TLL1: variants seen among roughly 807,000 people sequenced by gnomAD.
TLL1 encodes the protein tolloid-like protein 1.
TLL1 carries 49 observed loss-of-function variants against 128.2 expected under a neutral mutation model. The ratio of observed to expected loss-of-function variants is 0.38; its 90% CI spans 0.30 to 0.48. TLL1 has a LOEUF of 0.48. Ranked by LOEUF, TLL1 falls within the 20% of genes least tolerant of loss-of-function variation. The pLI, the probability that TLL1 is intolerant of heterozygous loss-of-function variation, is 0.96. For synonymous variants in TLL1, 454 were observed against 418.8 expected (o/e 1.08, Z -1.03); for missense variants, 1,123 against 1,242.0 (o/e 0.90, Z 1.44).
intron 1 of TLL1, among the ~76,000 whole-genome samples, chr4:165,884,564 A>C (rs1048409273): frequency 6.6e-6 from 1 of 152,224 alleles, no homozygotes; most frequent in Non-Finnish European, 1.5e-5. Context: ...GGCTGGGCGC[A>C]GTGGCTCATG....
At chr4:166,008,260 T>G (rs1737529860) in intron 7 of TLL1, among the ~76,000 whole-genome samples, 1 of 151,550 alleles carries the variant, frequency 6.6e-6, no homozygotes, top group Non-Finnish European at 1.5e-5. Flanking sequence ...ACCAAATATA[T>G]GAATTTAATA....
Position 166,077,975 on chromosome 4 carries a change from G to A in TLL1, c.2387G>A (p.Ser796Asn), listed in dbSNP as rs1741113322. The A allele has an allele frequency of 6.2e-7, 1 of 1,613,572 alleles. No homozygotes were observed. The change falls in exon 18 of 21, where the codon AGC (serine) becomes AAC (asparagine). Residue 796 changes from serine (S) to asparagine (N), a missense_variant. By Grantham distance (46) the Ser-to-Asn change is conservative. Around this residue, in one of 3 missense-constraint regions of TLL1, gnomAD observed 634 missense variants for 672.4 expected, o/e 0.94. Coordinates refer to ENST00000061240, the MANE Select transcript of TLL1 (RefSeq NM_012464.5). ...TSPNWPDKYP[S>N]RKECTWEISA... is the part of the protein sequence containing the mutation. ...CCCAACTGGCCAGACAAGTACCCAA[G>A]CAGGAAAGAATGCACTTGGGAAATC...
intron 1 of TLL1, among the ~76,000 whole-genome samples, chr4:165,893,828 C>G (rs1731529325): frequency 6.6e-6 from 1 of 151,994 alleles, no homozygotes; most frequent in South Asian, 2.1e-4. Flanking sequence ...ACACTCTGGT[C>G]CCACCTAAAA....
intron 8 of TLL1, among the ~76,000 whole-genome samples, chr4:166,024,492 A>C (rs188089320): frequency 6.6e-6 from 1 of 152,294 alleles, no homozygotes; most frequent in Non-Finnish European, 1.5e-5. Flanking sequence ...TTCTTAAGTT[A>C]AAGATACTTC....
chr4:166,008,677 ACTT>A (rs1737547016), intron 7 of TLL1, among the ~76,000 whole-genome samples: 1 of 151,588 alleles, frequency 6.6e-6, no homozygotes, highest in Non-Finnish European at 1.5e-5. Context: ...GTTTTGATCT[ACTT>A]CATTCTAAAG....
intron 1 of TLL1, among the ~76,000 whole-genome samples, chr4:165,972,533 A>G (rs531452419): frequency 1.3e-5 from 2 of 152,216 alleles, no homozygotes; most frequent in East Asian, 1.9e-4. Flanking sequence ...AACACATTCT[A>G]TCTTCTGATC....
At chr4:166,091,429 T>C in intron 19 of TLL1, 88 bp downstream of exon 19, 2 of 1,131,906 alleles carry the variant, frequency 1.8e-6, no homozygotes, top group Non-Finnish European at 2.6e-6. Flanking sequence ...GGATTGTAAA[T>C]AAATCTCCAA....
chr4:165,943,334 T>C (rs1734105099), intron 1 of TLL1, among the ~76,000 whole-genome samples: 1 of 152,086 alleles, frequency 6.6e-6, no homozygotes, highest in African/African-American at 2.4e-5. Flanking sequence ...ATTATTTGTA[T>C]GTACTGTAAT....
intron 14 of TLL1, among the ~76,000 whole-genome samples, chr4:166,057,719 G>A (rs1196138644): frequency 1.3e-5 from 2 of 152,180 alleles, no homozygotes; most frequent in East Asian, 3.9e-4. Context: ...AAGAGCAAAG[G>A]CACGTCGTAT....
At chr4:165,950,337 T>C (rs28829094) in intron 1 of TLL1, among the ~76,000 whole-genome samples, 2,081 of 152,230 alleles carry the variant, frequency 0.014, 50 homozygotes, top group African/African-American at 0.046. Context: ...GACTTTAGCA[T>C]TCCCTTTGTC....
rs72972222 is a variant in TLL1, at chr4:165,941,667, G to C, written c.170-47714G>C. 4.9e-4 allele frequency among the ~76,000 whole-genome samples: 74 copies of C among 152,124 alleles called. 1 individual carries two copies. The highest frequency in any genetic ancestry group is 4.1e-3 in the East Asian group (21 of 5,174). On this transcript the variant is annotated intron_variant, in intron 1 of 20. Transcript: ENST00000061240. ...GATTTGAAGTATATTCATTTGAAAA[G>C]AAACTTAAAATTAATCTAAATGTAG...
intron 9 of TLL1, among the ~76,000 whole-genome samples, chr4:166,033,235 CAA>C (rs1048287436): frequency 1.2e-4 from 18 of 152,072 alleles, no homozygotes; most frequent in Admixed American, 4.6e-4. Context: ...TGAGTGTGTG[CAA>C]AGGCAACTGT....
At chr4:166,026,500 A>AACATGGTG (rs780375009) in intron 9 of TLL1, among the ~76,000 whole-genome samples, 6 of 152,228 alleles carry the variant, frequency 3.9e-5, no homozygotes, top group African/African-American at 7.2e-5. Flanking sequence ...CAGCCTGGCC[A>AACATGGTG]ACATGGTGAA....
intron 9 of TLL1, among the ~76,000 whole-genome samples, chr4:166,029,393 T>C (rs1377881945): frequency 6.6e-6 from 1 of 152,094 alleles, no homozygotes; most frequent in Non-Finnish European, 1.5e-5. Flanking sequence ...TGATACCTTT[T>C]TTTAATCAAG....
chr4:166,084,390 G>C (rs1039270346), intron 18 of TLL1, among the ~76,000 whole-genome samples: 1 of 151,960 alleles, frequency 6.6e-6, no homozygotes, highest in South Asian at 2.1e-4. Context: ...TTAGTTTGAT[G>C]TAATCTCATT....
intron 13 of TLL1, 115 bp from the exon 14 acceptor site, chr4:166,057,069 A>G (rs2111113337): frequency 3.2e-6 from 4 of 1,245,340 alleles, no homozygotes; most frequent in South Asian, 2.4e-5. Context: ...GACACGTGAG[A>G]ATTTTGGGAG....
intron 6 of TLL1, among the ~76,000 whole-genome samples, chr4:166,005,245 T>C (rs181852577): frequency 1.3e-5 from 2 of 152,080 alleles, no homozygotes; most frequent in East Asian, 3.9e-4. Flanking sequence ...TATCCTTGAA[T>C]TTAAAAAGCC....
chr4:165,909,701 T>C (rs1051609847), intron 1 of TLL1, among the ~76,000 whole-genome samples: 3 of 152,206 alleles, frequency 2.0e-5, no homozygotes, highest in African/African-American at 7.2e-5. Flanking sequence ...CATGGTATGA[T>C]AGGCATTGAA....
At chr4:165,970,930 A>G (rs1466789918) in intron 1 of TLL1, among the ~76,000 whole-genome samples, 1 of 152,210 alleles carries the variant, frequency 6.6e-6, no homozygotes, top group African/African-American at 2.4e-5. Context: ...AGGTCATAAA[A>G]TATATATGAT....
Sources: gnomAD v4.1 joint callset for allele counts (sites outside exome capture counted in the v4.1 genomes callset) on GRCh38, gnomAD v4.1.1 for gene constraint, gnomAD v4.1.1 regional missense constraint, MANE v1.5 for transcripts, NCBI Gene and HGNC (gene_info 2026-07-23, HGNC 2026-07-21) for gene names.